PTPN3: variants seen among roughly 807,000 people sequenced by gnomAD.
PTPN3 encodes the protein protein tyrosine phosphatase non-receptor type 3, also known as tyrosine-protein phosphatase non-receptor type 3.
In PTPN3, 96 loss-of-function variants were observed where a neutral mutation model predicts 132.7. The observed-to-expected ratio is 0.72, with a 90% confidence interval of 0.61 to 0.86. The LOEUF (loss-of-function observed/expected upper bound fraction) is 0.86, where lower values mean the gene tolerates loss of function less well. PTPN3 is among the 40% of genes least tolerant of loss of function. The probability of loss-of-function intolerance (pLI) is 0.00; values close to 1 mark genes in which losing one functional copy is unlikely to be tolerated. For synonymous variants in PTPN3, 398 were observed against 429.0 expected, an observed-to-expected ratio of 0.93 and a Z score of 0.89; for missense variants, 1,125 against 1,159.6, an observed-to-expected ratio of 0.97 and a Z score of 0.43.
chr9:109,495,184 C>G (rs1388394375), intron 1 of PTPN3, among the ~76,000 whole-genome samples: 1 of 152,242 alleles, frequency 6.6e-6, no homozygotes. Context: ...ACTGCACCCC[C>G]ACCAGCCCTT....
chr9:109,450,044 A>G (rs1845146837), intron 5 of PTPN3: 3 of 983,792 alleles, frequency 3.0e-6, no homozygotes, highest in South Asian at 9.4e-5. Flanking sequence ...TGTGAGGTCA[A>G]TTGTGTCTTA....
At chr9:109,464,565 T>A (rs771058993) in intron 1 of PTPN3, among the ~76,000 whole-genome samples, 6 of 152,062 alleles carry the variant, frequency 3.9e-5, no homozygotes, top group East Asian at 1.9e-4. Context: ...CTAAAAAAAA[T>A]TTTTTTTAAA....
intron 2 of PTPN3, among the ~76,000 whole-genome samples, chr9:109,462,372 T>C (rs1370977424): frequency 6.6e-6 from 1 of 152,240 alleles, no homozygotes; most frequent in East Asian, 1.9e-4. Context: ...GGCAAACTTG[T>C]ATGGGGTGTG....
chr9:109,465,666 G>A (rs1044932341), intron 1 of PTPN3, among the ~76,000 whole-genome samples: 4 of 123,978 alleles, frequency 3.2e-5, no homozygotes, highest in African/African-American at 1.3e-4. Flanking sequence ...CTGAGATCTC[G>A]CCATTGCACT....
chr9:109,477,957 G>A (rs1053175577), intron 1 of PTPN3, among the ~76,000 whole-genome samples: 1 of 152,214 alleles, frequency 6.6e-6, no homozygotes, highest in African/African-American at 2.4e-5. Context: ...GATCTCATGA[G>A]GACAGTCATG....
At position 109,438,238 on chromosome 9, in the gene PTPN3, T is replaced by G. The variant is rs2131937559; in HGVS notation, c.467-4A>C. 6.2e-7 allele frequency: 1 copy of G among 1,609,124 alleles called. No homozygotes were observed. The highest frequency in any genetic ancestry group is 8.5e-7 in the Non-Finnish European group (1 of 1,178,404). ...GAATTATAGTCTCCAAAATGAGCTA[T>G]CAAGACAGAAGAAGGGGAAAATCAT... On this transcript the variant is annotated splice_region_variant and splice_polypyrimidine_tract_variant and intron_variant, in intron 7 of 25. Transcript: ENST00000374541.
the PTPN3 span, among the ~76,000 whole-genome samples, chr9:109,504,042 G>T: frequency 6.6e-6 from 1 of 152,198 alleles, no homozygotes; most frequent in African/African-American, 2.4e-5. Flanking sequence ...AGGGATGGGG[G>T]CAGAGAGTTG....
the PTPN3 span, chr9:109,533,958 C>G: frequency 1.3e-6 from 1 of 756,778 alleles, no homozygotes; most frequent in Admixed American, 1.8e-5. Flanking sequence ...GGACCTATAA[C>G]ATGTGCTGCC....
intron 7 of PTPN3, among the ~76,000 whole-genome samples, chr9:109,439,969 C>T (rs187221385): frequency 6.6e-6 from 1 of 152,080 alleles, no homozygotes; most frequent in Non-Finnish European, 1.5e-5. Context: ...CCTTGTTCAC[C>T]TAACTGCCCT....
At chr9:109,454,078 A>AT (rs1845431216) in intron 5 of PTPN3, among the ~76,000 whole-genome samples, 1 of 152,152 alleles carries the variant, frequency 6.6e-6, no homozygotes, top group South Asian at 2.1e-4. Context: ...AAGAGCCTTG[A>AT]TTTTAGCTCT....
chr9:109,511,619 A>T, the PTPN3 span: 4 of 153,288 alleles, frequency 2.6e-5, no homozygotes, highest in Non-Finnish European at 4.4e-5. Context: ...CTTCATGGAG[A>T]GGGGCCCAGC....
chr9:109,453,304 T>C (rs1005000971), intron 5 of PTPN3, among the ~76,000 whole-genome samples: 26 of 152,068 alleles, frequency 1.7e-4, no homozygotes, highest in Non-Finnish European at 1.9e-4. Context: ...TCCTTGATTA[T>C]GTCTTTTGGC....
Position 109,448,861 on chromosome 9 carries a change from A to G in PTPN3, c.369-6T>C. Reference sequence around the variant, plus strand: ...GTTGTAAGAAATACAAGTGCCTATGAAACAATTGTTTTCATTAATTCATAC... The same window carrying G: ...GTTGTAAGAAATACAAGTGCCTATGGAACAATTGTTTTCATTAATTCATAC... On this transcript the variant is annotated splice_region_variant and splice_polypyrimidine_tract_variant and intron_variant, in intron 5 of 25. Coordinates refer to ENST00000374541, the MANE Select transcript of PTPN3 (RefSeq NM_002829.4). 6.3e-7 allele frequency: 1 copy of G among 1,591,992 alleles called. No individual in the cohort carries two copies. The highest frequency in any genetic ancestry group is 8.5e-7 in the Non-Finnish European group (1 of 1,174,246).
intron 5 of PTPN3, among the ~76,000 whole-genome samples, chr9:109,453,979 C>T (rs545830404): frequency 1.4e-4 from 22 of 151,998 alleles, no homozygotes; most frequent in Non-Finnish European, 2.1e-4. Context: ...CGCACCTCTG[C>T]GCTCCAGCCA....
chr9:109,386,789 A>G (rs1357142737), intron 22 of PTPN3, among the ~76,000 whole-genome samples: 2 of 152,228 alleles, frequency 1.3e-5, no homozygotes, highest in Non-Finnish European at 2.9e-5. Context: ...GGGTTTGAGC[A>G]GGGAAATGAC....
At chr9:109,536,535 G>A in the PTPN3 span, among the ~76,000 whole-genome samples, 1 of 152,202 alleles carries the variant, frequency 6.6e-6, no homozygotes, top group African/African-American at 2.4e-5. Context: ...ATGTATCCAA[G>A]GGCAAGGACT....
chr9:109,521,885 A>G, the PTPN3 span, among the ~76,000 whole-genome samples: 2 of 152,364 alleles, frequency 1.3e-5, no homozygotes, highest in South Asian at 2.1e-4. Context: ...AATGAAAATC[A>G]TAGAAGGGAC....
the PTPN3 span, among the ~76,000 whole-genome samples, chr9:109,517,979 C>G: frequency 6.6e-6 from 1 of 152,228 alleles, no homozygotes; most frequent in Non-Finnish European, 1.5e-5. Flanking sequence ...CAGGTCCTCT[C>G]TCCTGGCTGC....
chr9:109,425,059 A>T (rs1843143056), intron 12 of PTPN3, among the ~76,000 whole-genome samples: 1 of 152,224 alleles, frequency 6.6e-6, no homozygotes, highest in South Asian at 2.1e-4. Flanking sequence ...AACCTAAGTC[A>T]ATGATATAAT....
Sources: allele counts gnomAD v4.1 joint callset (sites outside exome capture counted in the v4.1 genomes callset), GRCh38; gene constraint gnomAD v4.1.1; transcripts MANE v1.5; gene names NCBI Gene and HGNC (gene_info 2026-07-23, HGNC 2026-07-21).